The following HMGXB3 variants were observed in gnomAD, a reference collection of about 807,000 sequenced individuals.
The protein encoded by HMGXB3 is HMG domain-containing protein 3.
In HMGXB3, 45 loss-of-function variants were observed where a neutral mutation model predicts 121.5. The ratio of observed to expected loss-of-function variants is 0.37; its 90% CI spans 0.29 to 0.47. HMGXB3 has a LOEUF of 0.47. Among genes scored for constraint, HMGXB3 ranks in the 20% least tolerant of loss-of-function variants. The pLI is 0.99. For missense variants in HMGXB3, 1,376 were observed against 1,602.2 expected, an observed-to-expected ratio of 0.86 and a Z score of 2.41; for synonymous variants, 590 against 624.1, an observed-to-expected ratio of 0.95 and a Z score of 0.81.
intron 18 of HMGXB3, among the ~76,000 whole-genome samples, chr5:150,049,520 A>G (rs1756842810): frequency 6.6e-6 from 1 of 152,192 alleles, no homozygotes; most frequent in African/African-American, 2.4e-5. Flanking sequence ...TCCAGTTCCC[A>G]ACTACTTTAA....
chr5:150,017,231 A>C (rs944325833), intron 5 of HMGXB3, among the ~76,000 whole-genome samples: 1 of 152,234 alleles, frequency 6.6e-6, no homozygotes, highest in Non-Finnish European at 1.5e-5. Context: ...TTCCAAGTCC[A>C]TGGTAATTTA....
chr5:150,049,405 C>CG, intron 18 of HMGXB3, among the ~76,000 whole-genome samples: 1 of 103,392 alleles, frequency 9.7e-6, no homozygotes, highest in Non-Finnish European at 2.6e-5. Flanking sequence ...GATCTTGGAA[C>CG]GGAAACCCCC....
rs1412307589 is a variant in HMGXB3 at position 150,050,232 on chromosome 5, C to T, written c.3202-20C>T. 1.4e-4 allele frequency: 209 copies of T among 1,547,456 alleles called. No individual in the cohort carries two copies. The highest frequency in any genetic ancestry group is 1.8e-4 in the Non-Finnish European group (206 of 1,143,208). On this transcript the variant is annotated intron_variant, in intron 18 of 19. Coordinates refer to ENST00000502717, the MANE Select transcript of HMGXB3 (RefSeq NM_014983.3). ...CTGGCTTCCTAATTAACCCTGCGCC[C>T]CCCACCCTTCATCTCCCAGGTGGTC... is the stretch of plus-strand genomic sequence containing the variant.
At chr5:150,028,648 C>T (rs993431852) in intron 9 of HMGXB3, among the ~76,000 whole-genome samples, 4 of 148,154 alleles carry the variant, frequency 2.7e-5, no homozygotes, top group Non-Finnish European at 5.9e-5. Flanking sequence ...CTCACTGCAG[C>T]CTCGAACTCC....
At position 150,043,554 on chromosome 5, in the gene HMGXB3, A is replaced by G. The variant is rs543210891; in HGVS notation, c.2730+1585A>G. The stretch of plus-strand genomic sequence containing the variant: ...TGCATAGTCCTGTCTTTTACTTCCC[A>G]AGTAAGAAACCAGGCAACTAAACCA... On this transcript the variant is annotated intron_variant, in intron 15 of 19. Coordinates refer to ENST00000502717, the MANE Select transcript of HMGXB3 (RefSeq NM_014983.3). Among the ~76,000 whole-genome samples, 17 of 152,338 alleles carry G rather than the reference A, an allele frequency of 1.1e-4. No homozygotes were observed. In the East Asian group the frequency reaches 3.3e-3, roughly 29 times the overall value.
rs549959265 is a variant in HMGXB3 at position 150,023,880 on chromosome 5, G to C, written c.1042-382G>C. Among the ~76,000 whole-genome samples the C allele has an allele frequency of 1.7e-4, 26 of 152,328 alleles. No individual in the cohort carries two copies. In the South Asian group the frequency reaches 4.8e-3, roughly 28 times the overall value. ...AGGACCACCAAGGTGAACAACTTAG[G>C]GCTTTTAGGCCCTGTATGGCAGTAT... On this transcript the variant is annotated intron_variant, in intron 6 of 19. Coordinates refer to ENST00000502717, the MANE Select transcript of HMGXB3 (RefSeq NM_014983.3).
chr5:150,042,987 T>C (rs1176943451), intron 15 of HMGXB3, among the ~76,000 whole-genome samples: 1 of 152,180 alleles, frequency 6.6e-6, no homozygotes, highest in East Asian at 1.9e-4. Context: ...TAGATGAAAG[T>C]CTGAATAAAA....
At chr5:150,009,065 G>A (rs1456879225) in intron 3 of HMGXB3, among the ~76,000 whole-genome samples, 1 of 151,926 alleles carries the variant, frequency 6.6e-6, no homozygotes, top group Non-Finnish European at 1.5e-5. Context: ...TTAATTTTAG[G>A]TCTCATTTAA....
chr5:150,015,667 C>T (rs1755943385), intron 5 of HMGXB3, among the ~76,000 whole-genome samples: 1 of 152,194 alleles, frequency 6.6e-6, no homozygotes, highest in Non-Finnish European at 1.5e-5. Context: ...TCCACAAATT[C>T]TGATATGGTG....
chr5:150,050,758 G>C (rs1756870796), intron 19 of HMGXB3, among the ~76,000 whole-genome samples: 1 of 152,212 alleles, frequency 6.6e-6, no homozygotes, highest in Non-Finnish European at 1.5e-5. Context: ...TGGGATTACA[G>C]GCATGAGCCA....
At chr5:150,021,277 A>C (rs1319443363) in intron 6 of HMGXB3, among the ~76,000 whole-genome samples, 1 of 152,224 alleles carries the variant, frequency 6.6e-6, no homozygotes, top group African/African-American at 2.4e-5. Flanking sequence ...AAATAAATTG[A>C]CTTTGATTAT....
In HMGXB3 at chr5:150,030,826, G is replaced by A. The variant is rs1200858034; in HGVS notation, c.1820G>A (p.Cys607Tyr). Reference protein sequence around the residue: ...PDMFPPYKYSCTVTLDLGLAT... With the variant: ...PDMFPPYKYSYTVTLDLGLAT... Reference sequence around the variant, plus strand: ...ATGTTTCCTCCATATAAGTACAGCTGCACTGTCACATTGGTAAGTATGCAG... The same window carrying A: ...ATGTTTCCTCCATATAAGTACAGCTACACTGTCACATTGGTAAGTATGCAG... Residue 607 changes from cysteine (C) to tyrosine (Y), a missense_variant, in exon 10 of 20, where the codon TGC (cysteine) becomes TAC (tyrosine). By Grantham distance (194) the Cys-to-Tyr change is radical (BLOSUM62 -2). Around this residue, in one of 2 missense-constraint regions of HMGXB3, gnomAD observed 1,116 missense variants for 1,369.0 expected, o/e 0.82. Coordinates refer to ENST00000502717, the MANE Select transcript of HMGXB3 (RefSeq NM_014983.3). The A allele has an allele frequency of 3.2e-6, 5 of 1,551,564 alleles. No homozygotes were observed. Among genetic ancestry groups the A allele is most frequent in the Non-Finnish European group, 4.4e-6 (5 of 1,146,556 alleles).
intron 6 of HMGXB3, among the ~76,000 whole-genome samples, chr5:150,019,958 T>G (rs1756049630): frequency 6.6e-6 from 1 of 152,142 alleles, no homozygotes; most frequent in Admixed American, 6.5e-5. Context: ...AATTCTGGAG[T>G]TAGCTACCTC....
intron 17 of HMGXB3, 101 bp downstream of exon 17, chr5:150,047,858 T>C (rs1474804707): frequency 7.5e-7 from 1 of 1,340,932 alleles, no homozygotes; most frequent in Non-Finnish European, 1.0e-6. Context: ...GCATCTGCCT[T>C]GGACACAAGG....
intron 15 of HMGXB3, 34 bp from the exon 16 acceptor site, chr5:150,045,432 C>T (rs762896001): frequency 3.0e-5 from 45 of 1,506,054 alleles, no homozygotes; most frequent in Non-Finnish European, 4.0e-5. Context: ...TCTGTGACTC[C>T]CACAGTTTGA....
rs1291914239 is a variant in HMGXB3 at position 150,052,443 on chromosome 5, A to ATGTT, written c.*253_*256dup. 4.0e-6 allele frequency: 2 copies of ATGTT among 499,434 alleles called. No homozygotes were observed. The highest frequency in any genetic ancestry group is 6.6e-5 in the East Asian group (2 of 30,158). The allele number at this position is 499,434 out of a possible 1,614,324, so 30.9% of individuals were successfully genotyped here. On this transcript the variant is annotated 3_prime_UTR_variant, in exon 20 of 20. Transcript: ENST00000502717. ...CGAGAGAGCACTTGGGGGACACGGT[A>ATGTT]TGTTTAATGGAGGGGAGGCTGAGGG...
chr5:150,051,637 C>T, intron 19 of HMGXB3, 88 bp from the exon 20 acceptor site: 3 of 1,063,902 alleles, frequency 2.8e-6, no homozygotes, highest in South Asian at 3.3e-5. Context: ...TCAAAGAGGG[C>T]TGGCTGAGCC....
intron 3 of HMGXB3, among the ~76,000 whole-genome samples, chr5:150,008,055 TCACACA>T (rs70973560): frequency 0.086 from 11,123 of 129,956 alleles, 606 homozygotes; most frequent in Non-Finnish European, 0.1. Flanking sequence ...AGACTCTGTT[TCACACA>T]CACACACACA....
chr5:150,020,175 TATC>T (rs1308277882), intron 6 of HMGXB3, among the ~76,000 whole-genome samples: 1 of 152,248 alleles, frequency 6.6e-6, no homozygotes, highest in Non-Finnish European at 1.5e-5. Context: ...AATGTCCTGC[TATC>T]ATCATGATAG....
Sources: allele counts gnomAD v4.1 joint callset (sites outside exome capture counted in the v4.1 genomes callset), GRCh38; gene constraint gnomAD v4.1.1; regional missense constraint gnomAD v4.1.1; transcripts MANE v1.5; gene names NCBI Gene and HGNC (gene_info 2026-07-23, HGNC 2026-07-21).